The following NTRK2 variants were observed in gnomAD, a reference collection of about 807,000 sequenced individuals.
NTRK2 encodes BDNF/NT-3 growth factors receptor.
In NTRK2, 13 loss-of-function variants were observed where a neutral mutation model predicts 94.5. The observed-to-expected ratio is 0.14, with a 90% CI of 0.09 to 0.22. NTRK2 has a LOEUF of 0.22. Among genes scored for constraint, NTRK2 ranks in the 10% least tolerant of loss-of-function variants. NTRK2 has a pLI of 1.00. For missense variants in NTRK2, 639 were observed against 1,071.2 expected (o/e 0.60, Z 5.63); for synonymous variants, 372 against 407.4 (o/e 0.91, Z 1.05).
chr9:84,946,876 G>A (rs2078615602), intron 15 of NTRK2, among the ~76,000 whole-genome samples: 1 of 152,092 alleles, frequency 6.6e-6, no homozygotes, highest in Non-Finnish European at 1.5e-5. Flanking sequence ...TTGGCTCATG[G>A]CCCCTTTCTT....
intron 18 of NTRK2, among the ~76,000 whole-genome samples, chr9:85,020,756 A>G (rs554621637): frequency 6.6e-6 from 1 of 152,374 alleles, no homozygotes; most frequent in African/African-American, 2.4e-5. Context: ...ACTTCTAGTG[A>G]AAAACTCAAG....
At chr9:84,671,083 A>T (rs2058672503) in intron 2 of NTRK2, 123 bp downstream of exon 2, 4 of 873,262 alleles carry the variant, frequency 4.6e-6, no homozygotes, top group Non-Finnish European at 7.4e-6. Flanking sequence ...CAAGGGATGC[A>T]GGACAGGGTC....
intron 2 of NTRK2, among the ~76,000 whole-genome samples, chr9:84,676,951 C>CTG (rs1451025951): frequency 2.4e-5 from 2 of 81,918 alleles, no homozygotes; most frequent in Non-Finnish European, 5.5e-5. Flanking sequence ...GTTTAGCTTA[C>CTG]TGTGTGTGAG....
intron 17 of NTRK2, among the ~76,000 whole-genome samples, chr9:84,986,373 G>T (rs991568162): frequency 5.3e-5 from 8 of 152,180 alleles, no homozygotes; most frequent in Non-Finnish European, 1.0e-4. Context: ...TCATTAGCTA[G>T]ATTCTCATAA....
chr9:84,899,310 G>A (rs2076855750), intron 14 of NTRK2, among the ~76,000 whole-genome samples: 1 of 152,176 alleles, frequency 6.6e-6, no homozygotes, highest in Admixed American at 6.5e-5. Context: ...CCCATCAAAA[G>A]TTAAATGTGT....
chr9:84,920,952 T>C lies in NTRK2; in HGVS notation c.1634-13210T>C, dbSNP rs375869417. 3.3e-5 allele frequency among the ~76,000 whole-genome samples: 5 copies of C among 152,226 alleles called. No individual in the cohort carries two copies. In the South Asian group the frequency reaches 6.2e-4, roughly 19 times the overall value. ...TTTCCAATATAATCTACTCGGAATA[T>C]TTGATGCCATTTTAATACTTTAGAC... is the stretch of plus-strand genomic sequence containing the variant. On this transcript the variant is annotated intron_variant, in intron 14 of 18. Coordinates refer to ENST00000277120, the MANE Select transcript of NTRK2 (RefSeq NM_006180.6).
At chr9:84,821,780 A>G (rs534959674) in intron 12 of NTRK2, among the ~76,000 whole-genome samples, 65 of 151,242 alleles carry the variant, frequency 4.3e-4, no homozygotes, top group Admixed American at 2.7e-3. Context: ...AGGTTTCCTT[A>G]TAATATTAAC....
intron 12 of NTRK2, among the ~76,000 whole-genome samples, chr9:84,830,440 G>C (rs1042177656): frequency 6.6e-6 from 1 of 152,082 alleles, no homozygotes; most frequent in Admixed American, 6.6e-5. Context: ...GCACAGGTTT[G>C]GGTTCCTTAT....
At chr9:84,959,553 G>A (rs1198837876) in intron 17 of NTRK2, among the ~76,000 whole-genome samples, 2 of 152,192 alleles carry the variant, frequency 1.3e-5, no homozygotes, top group African/African-American at 2.4e-5. Flanking sequence ...GGAAATGGCT[G>A]CCTCCAGGCG....
At chr9:84,759,595 A>T (rs927564058) in intron 12 of NTRK2, among the ~76,000 whole-genome samples, 2 of 152,330 alleles carry the variant, frequency 1.3e-5, no homozygotes, top group East Asian at 1.9e-4. Context: ...TAGATTTTGT[A>T]CTTAAAGGTC....
At chr9:84,998,688 A>G (rs1830029438) in intron 17 of NTRK2, among the ~76,000 whole-genome samples, 1 of 152,144 alleles carries the variant, frequency 6.6e-6, no homozygotes, top group South Asian at 2.1e-4. Context: ...AGTAGGAGAT[A>G]CACCTTGGCC....
intron 14 of NTRK2, among the ~76,000 whole-genome samples, chr9:84,902,665 G>A (rs60847081): frequency 0.059 from 9,055 of 152,214 alleles, 898 homozygotes; most frequent in African/African-American, 0.21. Flanking sequence ...AAGTCATTCC[G>A]GCTAACTCTA....
chr9:84,727,671 T>A lies in NTRK2; in HGVS notation c.871T>A (p.Phe291Ile). Residue 291 changes from phenylalanine (F) to isoleucine (I), a missense_variant, in exon 9 of 19, where the codon TTT (phenylalanine) becomes ATT (isoleucine). This residue lies in a region of NTRK2 where 343 missense variants were observed against 571.5 expected (regional missense o/e 0.60). Coordinates refer to ENST00000277120, the MANE Select transcript of NTRK2 (RefSeq NM_006180.6). ...CAATTTAGTTGCACCAACTATCACA[T>A]TTCTCGAATCTCCAACCTCAGACCA... Reference protein sequence around the residue: ...LTVHFAPTITFLESPTSDHHW... With the variant: ...LTVHFAPTITILESPTSDHHW... 6.2e-7 allele frequency: 1 copy of A among 1,612,608 alleles called. No homozygotes were observed. Among genetic ancestry groups the A allele is most frequent in the Non-Finnish European group, 8.5e-7 (1 of 1,179,930 alleles).
At chr9:84,669,259 A>G (rs1181980189), upstream of NTRK2, 3 of 152,578 alleles carry the variant, frequency 2.0e-5, no homozygotes, top group Non-Finnish European at 2.9e-5. This position sits in a 1 kb window ranked among gnomAD's most constrained non-coding sequence, Gnocchi z 4.1. Context: ...GGGAGGGAGA[A>G]GGGAGGGAGG....
At chr9:84,919,490 A>G (rs1411697758) in intron 14 of NTRK2, among the ~76,000 whole-genome samples, 1 of 152,182 alleles carries the variant, frequency 6.6e-6, no homozygotes, top group Non-Finnish European at 1.5e-5. Flanking sequence ...TTTAACTGAC[A>G]AGTCATGTAG....
chr9:84,963,194 A>G (rs1377233870), intron 17 of NTRK2, among the ~76,000 whole-genome samples: 1 of 152,226 alleles, frequency 6.6e-6, no homozygotes, highest in African/African-American at 2.4e-5. Context: ...CTTTCCTAGA[A>G]CATCCCCTCT....
chr9:84,681,764 A>G (rs1287574433), intron 2 of NTRK2, among the ~76,000 whole-genome samples: 2 of 152,158 alleles, frequency 1.3e-5, no homozygotes, highest in Admixed American at 1.3e-4. Flanking sequence ...GTCACTGCTT[A>G]TAATTACCCT....
chr9:84,971,328 A>G (rs1330642902), intron 17 of NTRK2, among the ~76,000 whole-genome samples: 1 of 152,222 alleles, frequency 6.6e-6, no homozygotes, highest in Admixed American at 6.5e-5. Flanking sequence ...AGAGCCAGAC[A>G]TTTATCAAAT....
intron 12 of NTRK2, among the ~76,000 whole-genome samples, chr9:84,832,715 A>G (rs938620103): frequency 6.6e-6 from 1 of 152,226 alleles, no homozygotes; most frequent in Admixed American, 6.5e-5. Flanking sequence ...CATAAAGAGG[A>G]CCTGCCTTCT....
Sources: allele counts gnomAD v4.1 joint callset (sites outside exome capture counted in the v4.1 genomes callset), GRCh38; gene constraint gnomAD v4.1.1; regional missense constraint gnomAD v4.1.1; non-coding constraint Gnocchi (gnomAD v3.1); transcripts MANE v1.5; gene names NCBI Gene and HGNC (gene_info 2026-07-23, HGNC 2026-07-21).